Variants in MTMR9 observed in about 807,000 individuals in gnomAD.
MTMR9 encodes the protein myotubularin related protein 9.
A neutral mutation model predicts 69.5 loss-of-function variants in MTMR9; 39 were observed. The observed-to-expected ratio is 0.56, with a 90% CI of 0.43 to 0.73. MTMR9 has a LOEUF of 0.73. Ranked by LOEUF, MTMR9 falls within the 30% of genes least tolerant of loss-of-function variation. The pLI is 0.00. For synonymous variants in MTMR9, 354 were observed against 240.8 expected (o/e 1.47, Z -4.35); for missense variants, 900 against 671.2 (o/e 1.34, Z -3.77).
chr8:11,291,903 C>G (rs989126900), intron 1 of MTMR9, among the ~76,000 whole-genome samples: 2 of 137,842 alleles, frequency 1.5e-5, no homozygotes, highest in South Asian at 4.5e-4. Context: ...GAGGTACAGT[C>G]GACGTATTAC....
At chr8:11,288,033 TATATA>T (rs1799242188) in intron 1 of MTMR9, among the ~76,000 whole-genome samples, 2 of 125,048 alleles carry the variant, frequency 1.6e-5, no homozygotes, top group Non-Finnish European at 3.2e-5. Flanking sequence ...TGATATATAA[TATATA>T]TTATATAATA....
chr8:11,285,806 G>C (rs1356595119), intron 1 of MTMR9, among the ~76,000 whole-genome samples: 2 of 152,168 alleles, frequency 1.3e-5, no homozygotes, highest in African/African-American at 4.8e-5. Context: ...CGCTAGCCAG[G>C]AGAGGGCAAA....
At chr8:11,331,722 G>A, downstream of MTMR9, 3 of 1,611,918 alleles carry the variant, frequency 1.9e-6, no homozygotes, top group East Asian at 2.2e-5. Context: ...GCTGTCCCTG[G>A]GGCTTCTGGT....
chr8:11,330,042 G>T (rs1397065356), downstream of MTMR9, among the ~76,000 whole-genome samples: 2 of 151,110 alleles, frequency 1.3e-5, no homozygotes, highest in Non-Finnish European at 3.0e-5. Context: ...CCGCCCGGCA[G>T]CCGCCCCGTC....
At chr8:11,303,952 A>G (rs1799841799) in intron 3 of MTMR9, among the ~76,000 whole-genome samples, 1 of 152,240 alleles carries the variant, frequency 6.6e-6, no homozygotes, top group East Asian at 1.9e-4. Context: ...CTTGTCTGTT[A>G]GTACGTCTAA....
At chr8:11,285,155 G>A (rs1301294000) in intron 1 of MTMR9, 85 bp downstream of exon 1, 3 of 1,325,710 alleles carry the variant, frequency 2.3e-6, no homozygotes, top group Non-Finnish European at 2.0e-6. Flanking sequence ...CGTTTTCCGC[G>A]CAGCCTGCCG....
intron 1 of MTMR9, among the ~76,000 whole-genome samples, chr8:11,291,215 C>G (rs1401470745): frequency 1.3e-5 from 2 of 152,118 alleles, no homozygotes; most frequent in Non-Finnish European, 2.9e-5. Context: ...GACATCTTGA[C>G]ATCCATGAAC....
chr8:11,336,833 A>C, the MTMR9 span, among the ~76,000 whole-genome samples: 1 of 152,178 alleles, frequency 6.6e-6, no homozygotes, highest in Non-Finnish European at 1.5e-5. Flanking sequence ...TGCATTCTGG[A>C]CTTGCTCAAG....
Position 11,322,856 on chromosome 8 carries a change from T to G in MTMR9, c.*68T>G, listed in dbSNP as rs938543299. ...GTCCGCCGTTCTCTCCTTGTGCCCT[T>G]CAGTTCACTTTTACACGGTAGCCTT... is the stretch of plus-strand genomic sequence containing the variant. On this transcript the variant is annotated 3_prime_UTR_variant, in exon 10 of 10. Coordinates refer to ENST00000221086, the MANE Select transcript of MTMR9 (RefSeq NM_015458.4). The G allele has an allele frequency of 4.1e-6, 6 of 1,462,462 alleles. No homozygotes were observed. The African/African-American group carries it at 4.2e-5, about 10-fold the overall frequency. The allele number at this position is 1,462,462 out of a possible 1,614,324, so 90.6% of individuals were successfully genotyped here. A position where few individuals can be genotyped will look rare whatever the true frequency, so the allele number is the denominator to read the frequency against.
intron 3 of MTMR9, among the ~76,000 whole-genome samples, chr8:11,301,845 C>G (rs949490853): frequency 1.3e-5 from 2 of 151,766 alleles, no homozygotes; most frequent in South Asian, 2.1e-4. Context: ...AATATAGATC[C>G]GAAATAATTA....
At chr8:11,296,178 G>A (rs1337696378) in intron 2 of MTMR9, among the ~76,000 whole-genome samples, 1 of 151,964 alleles carries the variant, frequency 6.6e-6, no homozygotes, top group Non-Finnish European at 1.5e-5. Flanking sequence ...TTTACCACAT[G>A]CTAGCTTGTG....
At chr8:11,287,997 A>G (rs1474780416) in intron 1 of MTMR9, among the ~76,000 whole-genome samples, 3 of 124,060 alleles carry the variant, frequency 2.4e-5, no homozygotes, top group African/African-American at 9.1e-5. Flanking sequence ...TATATATTAC[A>G]TATAATACAT....
chr8:11,332,549 C>G (rs1050111776), downstream of MTMR9, among the ~76,000 whole-genome samples: 2 of 151,114 alleles, frequency 1.3e-5, no homozygotes, highest in African/African-American at 4.8e-5. Flanking sequence ...CGTGCGACAA[C>G]TGAGATGAGA....
intron 5 of MTMR9, among the ~76,000 whole-genome samples, chr8:11,306,695 G>C (rs933696449): frequency 2.6e-5 from 4 of 152,100 alleles, no homozygotes; most frequent in African/African-American, 7.2e-5. Flanking sequence ...CATTTTTTTG[G>C]ATGGTGAGAA....
downstream of MTMR9, chr8:11,332,202 GA>G (rs558706635): frequency 1.2e-3 from 1,864 of 1,509,562 alleles, 19 homozygotes; most frequent in African/African-American, 0.02. Context: ...AAAAATAAAA[GA>G]AAAAAAATAA....
downstream of MTMR9, chr8:11,332,197 T>C: frequency 2.0e-6 from 3 of 1,512,360 alleles, no homozygotes; most frequent in Non-Finnish European, 2.6e-6. Flanking sequence ...AAAAAAAAAA[T>C]AAAAGAAAAA....
At position 11,327,616 on chromosome 8, in the gene MTMR9, A is replaced by G. The variant is rs1800996677; in HGVS notation, c.*4828A>G. On this transcript the variant is annotated 3_prime_UTR_variant, in exon 10 of 10. Transcript: ENST00000221086. ...CAGAACTTAGTTTATAAAAACAAAG[A>G]ATGTGTATTTCTTCAATAGCCGGGT... 1 of 152,674 alleles carries G rather than the reference A, an allele frequency of 6.5e-6. No individual in the cohort carries two copies. The highest frequency in any genetic ancestry group is 1.5e-5 in the Non-Finnish European group (1 of 68,044). 9.5% of individuals were successfully genotyped at this position (152,674 alleles called of 1,614,324 possible).
At chr8:11,319,973 G>C (rs765027072) in intron 9 of MTMR9, 135 bp downstream of exon 9, 44 of 745,930 alleles carry the variant, frequency 5.9e-5, no homozygotes, top group South Asian at 4.7e-4. Context: ...GTCATTCTCA[G>C]TGTGGGCATG....
intron 1 of MTMR9, 153 bp downstream of exon 1, chr8:11,285,223 A>C (rs1395612323): frequency 1.7e-5 from 12 of 724,408 alleles, no homozygotes; most frequent in Non-Finnish European, 2.6e-5. Flanking sequence ...TACCAAGCTG[A>C]AACCCGTCCA....
Sources: allele counts gnomAD v4.1 joint callset (sites outside exome capture counted in the v4.1 genomes callset), GRCh38; gene constraint gnomAD v4.1.1; transcripts MANE v1.5; gene names NCBI Gene and HGNC (gene_info 2026-07-23, HGNC 2026-07-21).